Variants in SPON1 observed in about 807,000 individuals in gnomAD.
SPON1 encodes the protein spondin 1.
Under a neutral mutation model 111.7 loss-of-function variants are expected in SPON1, and 52 were observed. The ratio of observed to expected loss-of-function variants is 0.47; its 90% CI spans 0.37 to 0.59. The LOEUF (loss-of-function observed/expected upper bound fraction) is 0.59, where lower values mean the gene tolerates loss of function less well. SPON1 is among the 20% of genes least tolerant of loss of function. The pLI is 0.00. For missense variants in SPON1, 957 were observed against 1,068.5 expected, an observed-to-expected ratio of 0.90 and a Z score of 1.46; for synonymous variants, 410 against 395.8, an observed-to-expected ratio of 1.04 and a Z score of -0.43.
intron 5 of SPON1, among the ~76,000 whole-genome samples, chr11:14,096,576 G>A (rs533369887): frequency 1.4e-3 from 213 of 152,306 alleles, no homozygotes; most frequent in African/African-American, 5.0e-3. Flanking sequence ...CTCCCTGCCA[G>A]TGGAGGCTGC....
intron 6 of SPON1, 118 bp from the exon 7 acceptor site, chr11:14,243,214 C>A: frequency 3.2e-6 from 3 of 928,768 alleles, no homozygotes; most frequent in South Asian, 1.5e-5. Flanking sequence ...TACACCCAGG[C>A]AGGAAAAGCC....
At chr11:14,215,135 A>C (rs12287073) in intron 6 of SPON1, among the ~76,000 whole-genome samples, 9,409 of 152,118 alleles carry the variant, frequency 0.062, 999 homozygotes, top group African/African-American at 0.22. Context: ...AGCACACTAC[A>C]GCCAAGAACT....
intron 3 of SPON1, among the ~76,000 whole-genome samples, chr11:14,044,482 C>T (rs868973351): frequency 3.3e-5 from 5 of 151,988 alleles, no homozygotes; most frequent in African/African-American, 7.2e-5. Flanking sequence ...CGTGGTGGTG[C>T]GCACCTGTAG....
chr11:14,217,938 C>CT (rs1407110904), intron 6 of SPON1, among the ~76,000 whole-genome samples: 1 of 152,166 alleles, frequency 6.6e-6, no homozygotes, highest in African/African-American at 2.4e-5. Flanking sequence ...ACTGCAAATT[C>CT]TTTATCAGGC....
intron 2 of SPON1, among the ~76,000 whole-genome samples, chr11:14,009,860 T>A (rs376973937): frequency 6.6e-6 from 1 of 152,068 alleles, no homozygotes. Flanking sequence ...TTTATGAGGG[T>A]GGAGCCCTCA....
chr11:14,059,885 A>G (rs189359061), intron 3 of SPON1, among the ~76,000 whole-genome samples: 2 of 152,174 alleles, frequency 1.3e-5, no homozygotes, highest in Non-Finnish European at 2.9e-5. Context: ...TGTGTTGTCA[A>G]GAAGGTCCTT....
At chr11:14,140,943 G>A (rs542307988) in intron 6 of SPON1, among the ~76,000 whole-genome samples, 30 of 151,690 alleles carry the variant, frequency 2.0e-4, no homozygotes, top group African/African-American at 6.8e-4. Flanking sequence ...CCATGTTCCC[G>A]AATGCTTGAT....
In SPON1 at chr11:14,135,366, C is replaced by T; in HGVS notation, c.677-54C>T. The stretch of plus-strand genomic sequence containing the variant: ...CGCATCCTCCCCATCATTTAAGGGA[C>T]TCGTGTTTCAGCCACAGCCATGCTG... On this transcript the variant is annotated intron_variant, in intron 5 of 15. Coordinates refer to ENST00000576479, the MANE Select transcript of SPON1 (RefSeq NM_006108.4). This position sits in a 1 kb window ranked among gnomAD's most constrained non-coding sequence, Gnocchi z 4.4. The T allele has an allele frequency of 6.4e-7, 1 of 1,574,450 alleles. No individual in the cohort carries two copies. Among genetic ancestry groups the T allele is most frequent in the Admixed American group, 1.8e-5 (1 of 56,150 alleles).
At chr11:14,264,968 C>A (rs1237771552) in intron 15 of SPON1, among the ~76,000 whole-genome samples, 1 of 152,120 alleles carries the variant, frequency 6.6e-6, no homozygotes, top group Non-Finnish European at 1.5e-5. Flanking sequence ...CATAAGCCAT[C>A]CCAAAACAGT....
Position 14,160,975 on chromosome 11 carries a change from T to A in SPON1, c.825+25407T>A, listed in dbSNP as rs868919997. Among the ~76,000 whole-genome samples the A allele has an allele frequency of 3.4e-3, 164 of 47,866 alleles. 6 individuals are homozygous for A. The highest frequency in any genetic ancestry group is 4.4e-3 in the African/African-American group (52 of 11,926). The allele number at this position is 47,866 out of a possible 152,430, so 31.4% of individuals were successfully genotyped here. On this transcript the variant is annotated intron_variant, in intron 6 of 15. Transcript: ENST00000576479. ...TATTTATATATATTTATATATATTT[T>A]TATATATTTATATATATTTTTATAT...
chr11:14,247,753 C>G (rs564061995), intron 7 of SPON1, among the ~76,000 whole-genome samples: 2 of 152,258 alleles, frequency 1.3e-5, no homozygotes, highest in East Asian at 3.9e-4. Flanking sequence ...AGGCTGAAAA[C>G]GTTAGATGAA....
intron 2 of SPON1, among the ~76,000 whole-genome samples, chr11:14,015,521 C>T (rs1848438387): frequency 6.6e-6 from 1 of 152,152 alleles, no homozygotes; most frequent in Non-Finnish European, 1.5e-5. Context: ...TTTTAGGGGA[C>T]ATTCAGACCA....
rs572814576 is a variant in SPON1 at position 14,200,814 on chromosome 11, TAAAAAAA to T, written c.826-42491_826-42485del. 2.5e-3 allele frequency among the ~76,000 whole-genome samples: 195 copies of T among 79,326 alleles called. 4 individuals are homozygous for T. The highest frequency in any genetic ancestry group is 8.5e-3 in the African/African-American group (150 of 17,558). 52.0% of individuals were successfully genotyped at this position (79,326 alleles called of 152,430 possible). ...TGGGTGACAGAGCAAGACCCTGTCT[TAAAAAAA>T]AAAAAAAAAAAAAAAAAAAAAAAAA... On this transcript the variant is annotated intron_variant, in intron 6 of 15. Coordinates refer to ENST00000576479, the MANE Select transcript of SPON1 (RefSeq NM_006108.4).
At chr11:14,162,774 T>C (rs1847982897) in intron 6 of SPON1, among the ~76,000 whole-genome samples, 1 of 152,184 alleles carries the variant, frequency 6.6e-6, no homozygotes, top group Non-Finnish European at 1.5e-5. Flanking sequence ...AAACACAACT[T>C]ACTCTTGGTA....
At chr11:14,023,096 G>A (rs1848492815) in intron 2 of SPON1, among the ~76,000 whole-genome samples, 1 of 152,148 alleles carries the variant, frequency 6.6e-6, no homozygotes, top group African/African-American at 2.4e-5. Flanking sequence ...AGCTCGGTGG[G>A]TGAGACAAAT....
intron 6 of SPON1, among the ~76,000 whole-genome samples, chr11:14,206,445 C>A (rs547159005): frequency 7.9e-5 from 12 of 152,254 alleles, no homozygotes; most frequent in African/African-American, 2.9e-4. Context: ...CCCACCTCAG[C>A]CTCCCATGGT....
chr11:14,242,507 C>T (rs186568423), intron 6 of SPON1, among the ~76,000 whole-genome samples: 3 of 152,190 alleles, frequency 2.0e-5, no homozygotes, highest in Non-Finnish European at 4.4e-5. Flanking sequence ...GAAAGCCCCC[C>T]ACCAGAGCTG....
chr11:14,179,400 A>G (rs1848214355), intron 6 of SPON1, among the ~76,000 whole-genome samples: 3 of 152,212 alleles, frequency 2.0e-5, no homozygotes, highest in African/African-American at 4.8e-5. Context: ...AGAACACTCC[A>G]TACTCATTCA....
At chr11:14,250,230 G>A (rs955374287) in intron 7 of SPON1, among the ~76,000 whole-genome samples, 1 of 152,030 alleles carries the variant, frequency 6.6e-6, no homozygotes, top group Non-Finnish European at 1.5e-5. Flanking sequence ...GAAGGTCTTC[G>A]TTGATAGATA....
Sources: gnomAD v4.1 joint callset for allele counts (sites outside exome capture counted in the v4.1 genomes callset) on GRCh38, gnomAD v4.1.1 for gene constraint, Gnocchi (gnomAD v3.1) non-coding constraint, MANE v1.5 for transcripts, NCBI Gene and HGNC (gene_info 2026-07-23, HGNC 2026-07-21) for gene names.